ANKRD36C: variants seen among roughly 807,000 people sequenced by gnomAD.
The protein encoded by ANKRD36C is ankyrin repeat domain 36C.
Under a neutral mutation model 276.4 loss-of-function variants are expected in ANKRD36C, and 61 were observed. The ratio of observed to expected loss-of-function variants is 0.22; its 90% CI spans 0.18 to 0.27. ANKRD36C has a LOEUF of 0.27. Ranked by LOEUF, ANKRD36C falls within the 10% of genes least tolerant of loss-of-function variation. The pLI, the probability that ANKRD36C is intolerant of heterozygous loss-of-function variation, is 1.00. For missense variants in ANKRD36C, 1,447 were observed against 2,032.3 expected (o/e 0.71, Z 5.54); for synonymous variants, 483 against 680.1 (o/e 0.71, Z 4.51).
chr2:95,986,863 T>G (rs1047063658), exon 3 of ANKRD36C: 1 of 1,611,834 alleles, frequency 6.2e-7, no homozygotes, highest in African/African-American at 1.3e-5. Flanking sequence ...ATCCGTAATA[T>G]TTGGATCGGC....
At chr2:95,911,881 T>G (rs898610665) in intron 42 of ANKRD36C, among the ~76,000 whole-genome samples, 4 of 151,514 alleles carry the variant, frequency 2.6e-5, no homozygotes, top group Non-Finnish European at 5.9e-5. Flanking sequence ...TTTCTGCCTG[T>G]TTTTAGCACT....
At chr2:95,938,293 G>A (rs1016837344) in intron 22 of ANKRD36C, among the ~76,000 whole-genome samples, 4 of 143,550 alleles carry the variant, frequency 2.8e-5, no homozygotes, top group Non-Finnish European at 4.6e-5. Flanking sequence ...TTAAAACACT[G>A]TATCTACCAA....
At chr2:95,954,683 T>A (rs1224431211) in intron 13 of ANKRD36C, among the ~76,000 whole-genome samples, 1 of 152,182 alleles carries the variant, frequency 6.6e-6, no homozygotes, top group African/African-American at 2.4e-5. Context: ...ATTAAAAATT[T>A]TAAAATCCAA....
intron 1 of ANKRD36C, among the ~76,000 whole-genome samples, chr2:95,988,474 A>G (rs1386918798): frequency 6.6e-6 from 1 of 152,018 alleles, no homozygotes; most frequent in Non-Finnish European, 1.5e-5. Context: ...CAGCTTGCTC[A>G]GGCTGGGCAG....
At chr2:95,974,289 T>C (rs1678760106) in intron 6 of ANKRD36C, among the ~76,000 whole-genome samples, 1 of 152,140 alleles carries the variant, frequency 6.6e-6, no homozygotes, top group African/African-American at 2.4e-5. Flanking sequence ...AAACTTAAAA[T>C]CTTAAAGGAG....
At chr2:95,881,201 T>C (rs1676070248) in intron 56 of ANKRD36C, among the ~76,000 whole-genome samples, 1 of 152,022 alleles carries the variant, frequency 6.6e-6, no homozygotes, top group African/African-American at 2.4e-5. Flanking sequence ...TTATTTATCA[T>C]GCCCATGTGG....
At chr2:95,891,537 A>C (rs1371449593) in intron 46 of ANKRD36C, 128 bp downstream of exon 66, 1 of 1,271,524 alleles carries the variant, frequency 7.9e-7, no homozygotes, top group Non-Finnish European at 1.1e-6. Context: ...ACTTATTTGA[A>C]ATGAAGAATC....
intron 6 of ANKRD36C, among the ~76,000 whole-genome samples, chr2:95,964,869 T>C (rs1197615143): frequency 1.3e-5 from 2 of 152,040 alleles, no homozygotes; most frequent in Non-Finnish European, 2.9e-5. Flanking sequence ...CTATTTTATG[T>C]TTAACTACAC....
exon 1 of ANKRD36C, chr2:95,991,749 C>T (rs1455515142): frequency 6.3e-7 from 1 of 1,599,846 alleles, no homozygotes; most frequent in East Asian, 2.2e-5. Flanking sequence ...CGTATTTCAG[C>T]TCGCCTTCGG....
Position 95,920,362 on chromosome 2 carries a change from A to G in ANKRD36C, c.2245+1245T>C, listed in dbSNP as rs1171269751. On this transcript the variant is annotated intron_variant, in intron 34 of 66. Coordinates refer to ENST00000456556, the Ensembl canonical transcript of ANKRD36C. ...TTCATCATGCTCTTTAACTTGCCCA[A>G]TAACTGAGAAGGCACACAGTTACCA... Among the ~76,000 whole-genome samples, 5 of 132,262 alleles carry G rather than the reference A, an allele frequency of 3.8e-5. 2 individuals carry two copies. The highest frequency in any genetic ancestry group is 5.3e-5 in the African/African-American group (2 of 37,994). The allele number at this position is 132,262 out of a possible 152,430, so 86.8% of individuals were successfully genotyped here.
In ANKRD36C at chr2:95,955,462, C is replaced by T. The variant is rs544990173; in HGVS notation, c.1136+1324G>A. ...TATCATTTCCCTTATCTTTATCAAA[C>T]TTGCATTAAACCAAATATTCAGATT... On this transcript the variant is annotated intron_variant, in intron 13 of 66. Coordinates refer to ENST00000456556, the Ensembl canonical transcript of ANKRD36C. Among the ~76,000 whole-genome samples the T allele has an allele frequency of 2.2e-3, 328 of 152,192 alleles. 2 individuals are homozygous for T. The highest frequency in any genetic ancestry group is 7.5e-3 in the African/African-American group (313 of 41,542).
intron 17 of ANKRD36C, among the ~76,000 whole-genome samples, chr2:95,946,055 T>A (rs1350161015): frequency 6.6e-6 from 1 of 150,822 alleles, no homozygotes. Flanking sequence ...AAAAGTTTAA[T>A]TTGTTTACTA....
chr2:95,872,791 G>A (rs947619781), intron 59 of ANKRD36C, among the ~76,000 whole-genome samples: 3 of 152,080 alleles, frequency 2.0e-5, no homozygotes, highest in African/African-American at 7.2e-5. Flanking sequence ...AAGAAGAAAA[G>A]AGAGAAGAAT....
chr2:95,929,342 G>C, intron 24 of ANKRD36C, 75 bp from the exon 25 acceptor site: 1 of 1,506,926 alleles, frequency 6.6e-7, no homozygotes. Flanking sequence ...TGCATGGATA[G>C]CATGTTAGCA....
chr2:95,856,694 T>C (rs1012134552), intron 62 of ANKRD36C, among the ~76,000 whole-genome samples: 3 of 152,178 alleles, frequency 2.0e-5, no homozygotes, highest in African/African-American at 7.2e-5. Flanking sequence ...TGACATTTAT[T>C]GATAAATGAT....
At chr2:95,976,664 C>T (rs577487704) in intron 6 of ANKRD36C, among the ~76,000 whole-genome samples, 4 of 152,236 alleles carry the variant, frequency 2.6e-5, no homozygotes, top group South Asian at 2.1e-4. Context: ...AAAAGGGTTA[C>T]GCAGGATCTT....
intron 58 of ANKRD36C, among the ~76,000 whole-genome samples, chr2:95,879,452 T>A (rs141262631): frequency 2.1e-5 from 3 of 145,660 alleles, no homozygotes; most frequent in Admixed American, 6.8e-5. Flanking sequence ...AAGTACAAAT[T>A]AAAAGACAGC....
intron 3 of ANKRD36C, among the ~76,000 whole-genome samples, chr2:95,985,794 A>T (rs1019749927): frequency 5.9e-5 from 9 of 152,160 alleles, no homozygotes; most frequent in South Asian, 2.1e-4. Flanking sequence ...AACTTCATTT[A>T]CTTTTCCTGG....
chr2:95,965,371 A>T (rs370091870), intron 6 of ANKRD36C, among the ~76,000 whole-genome samples: 6 of 152,242 alleles, frequency 3.9e-5, no homozygotes, highest in African/African-American at 1.4e-4. Context: ...ACCTGAGTAG[A>T]TTAGAGTTTA....
Sources: allele counts gnomAD v4.1 joint callset (sites outside exome capture counted in the v4.1 genomes callset), GRCh38; gene constraint gnomAD v4.1.1; transcripts MANE v1.5; gene names NCBI Gene and HGNC (gene_info 2026-07-23, HGNC 2026-07-21).